METTL5: variants seen among roughly 807,000 people sequenced by gnomAD.
The protein encoded by METTL5 is methyltransferase 5, N6-adenosine.
In METTL5, 28 loss-of-function variants were observed where a neutral mutation model predicts 26.5. The ratio of observed to expected loss-of-function variants is 1.06; its 90% CI spans 0.78 to 1.45. The LOEUF is 1.45. METTL5 is among the 40% of genes most tolerant of loss of function. The pLI is 0.00. For synonymous variants in METTL5, 86 were observed against 82.6 expected (o/e 1.04, Z -0.22); for missense variants, 231 against 249.9 (o/e 0.92, Z 0.51).
Position 169,812,489 on chromosome 2 carries a change from G to C in METTL5, c.559C>G (p.Pro187Ala). ...TTTTTGTGAAACTTGTATGATGCTGGCAGGTCATATCGAAGTTCTGTAAAA... is the reference window on the plus strand; with the variant it reads ...TTTTTGTGAAACTTGTATGATGCTGCCAGGTCATATCGAAGTTCTGTAAAA... ...DIIAELRYDL[P>A]ASYKFHKKKS... Residue 187 changes from proline to alanine, a missense_variant, in exon 6 of 7, where the codon CCA (proline) becomes GCA (alanine). Coordinates refer to ENST00000260953, the MANE Select transcript of METTL5 (RefSeq NM_014168.4). 6.2e-7 allele frequency: 1 copy of C among 1,613,918 alleles called. No homozygotes were observed.
chr2:169,814,088 T>C (rs1180651994), intron 5 of METTL5, among the ~76,000 whole-genome samples: 1 of 152,148 alleles, frequency 6.6e-6, no homozygotes, highest in African/African-American at 2.4e-5. Flanking sequence ...GTTTTGATGT[T>C]TGTGACTATT....
chr2:169,815,728 A>G (rs909521546), intron 4 of METTL5, among the ~76,000 whole-genome samples, 200 bp from the exon 5 acceptor site: 4 of 152,228 alleles, frequency 2.6e-5, no homozygotes, highest in African/African-American at 9.6e-5. Flanking sequence ...GAACCAAATC[A>G]CACAATAAAT....
intron 1 of METTL5, among the ~76,000 whole-genome samples, chr2:169,822,857 TA>T (rs1168476163): frequency 6.6e-6 from 1 of 152,160 alleles, no homozygotes; most frequent in Admixed American, 6.6e-5. Context: ...TGAGACCTGA[TA>T]ATAGAACTAC....
chr2:169,822,851 A>T (rs13406923), intron 1 of METTL5, among the ~76,000 whole-genome samples: 28,555 of 152,126 alleles, frequency 0.19, 2,969 homozygotes, highest in East Asian at 0.36. Context: ...TACAAATGAG[A>T]CCTGATAATA....
chr2:169,812,043 T>C (rs567349632), intron 6 of METTL5, 185 bp from the exon 7 acceptor site: 1 of 694,830 alleles, frequency 1.4e-6, no homozygotes, highest in Non-Finnish European at 2.4e-6. Context: ...ATAAAATATA[T>C]ACTATATGAA....
At chr2:169,811,969 A>G in intron 6 of METTL5, 111 bp from the exon 7 acceptor site, 1 of 1,251,756 alleles carries the variant, frequency 8.0e-7, no homozygotes, top group Non-Finnish European at 1.1e-6. Context: ...TTCAAATATC[A>G]AAAGGAAGAT....
chr2:169,823,096 T>C (rs1257403707), intron 1 of METTL5, among the ~76,000 whole-genome samples: 1 of 151,984 alleles, frequency 6.6e-6, no homozygotes, highest in East Asian at 1.9e-4. Flanking sequence ...GCAATTCTCC[T>C]GCCTTAGTAT....
chr2:169,813,703 A>AT (rs1287097944), intron 5 of METTL5, among the ~76,000 whole-genome samples: 5 of 147,450 alleles, frequency 3.4e-5, no homozygotes, highest in Admixed American at 3.3e-4. Flanking sequence ...AAAAATAATA[A>AT]TAATAAAAAA....
chr2:169,817,795 T>C (rs190991609), intron 4 of METTL5, among the ~76,000 whole-genome samples: 86 of 152,046 alleles, frequency 5.7e-4, no homozygotes, highest in Non-Finnish European at 1.1e-3. Flanking sequence ...GAGATAGCAT[T>C]AGGAGAAATA....
rs543465518 is a variant in METTL5 at position 169,812,343 on chromosome 2, C to G, written c.591+114G>C. The G allele has an allele frequency of 1.4e-5, 22 of 1,585,758 alleles. No individual in the cohort carries two copies. The South Asian group carries it at 2.2e-4, about 16-fold the overall frequency. ...GCAACCTCTGCCTCCTGAGTTCAAG[C>G]GATTCTCTTGCCTCAGCCTCCCGAG... is the stretch of plus-strand genomic sequence containing the variant. On this transcript the variant is annotated intron_variant, in intron 6 of 6. Coordinates refer to ENST00000260953, the MANE Select transcript of METTL5 (RefSeq NM_014168.4).
chr2:169,816,884 G>C (rs7593513), intron 4 of METTL5, among the ~76,000 whole-genome samples: 5 of 152,102 alleles, frequency 3.3e-5, no homozygotes, highest in African/African-American at 1.2e-4. Flanking sequence ...CATGGGCAAA[G>C]ATTTCATGAC....
chr2:169,812,135 G>A (rs538407273), intron 6 of METTL5: 4 of 555,058 alleles, frequency 7.2e-6, no homozygotes, highest in East Asian at 6.4e-5. Flanking sequence ...AGCTATTGAC[G>A]ATGGGCCTTT....
Position 169,823,766 on chromosome 2 carries a change from G to T in METTL5, c.109+723C>A, listed in dbSNP as rs13385279. ...AGTCCTGGAGGTCAAGGCTGCAGTT[G>T]CCGTGATCATGCCACTGCACTCCAG... On this transcript the variant is annotated intron_variant, in intron 1 of 6. Transcript: ENST00000260953. Among the ~76,000 whole-genome samples the T allele has an allele frequency of 1.7e-3, 255 of 152,288 alleles. 1 individual carries two copies. Among genetic ancestry groups the T allele is most frequent in the African/African-American group, 5.9e-3 (244 of 41,558 alleles).
At chr2:169,818,311 C>T (rs1469899941) in intron 4 of METTL5, among the ~76,000 whole-genome samples, 1 of 152,130 alleles carries the variant, frequency 6.6e-6, no homozygotes, top group Admixed American at 6.6e-5. Flanking sequence ...GAAGCCTGGC[C>T]CTGGTTTACC....
In METTL5 at chr2:169,816,185, C is replaced by T. The variant is rs1467448554; in HGVS notation, c.490-657G>A. On this transcript the variant is annotated intron_variant, in intron 4 of 6. Coordinates refer to ENST00000260953, the MANE Select transcript of METTL5 (RefSeq NM_014168.4). ...AGCATTATTTCATTGATATATACAG[C>T]TAGCTAGCCTAGAAACCATTTGGCA... Among the ~76,000 whole-genome samples, 4 of 152,256 alleles carry T rather than the reference C, an allele frequency of 2.6e-5. No homozygotes were observed. The East Asian group carries it at 7.7e-4, about 29-fold the overall frequency.
Position 169,821,206 on chromosome 2 carries a change from CA to C in METTL5, c.291del (p.Phe97LeufsTer3), listed in dbSNP as rs1376533963. ...TGAACCATGTCAATATTTGTTAACTCAAACTCTTCTGCATTCCTATTAAATA... is the reference window on the plus strand; with the variant it reads ...TGAACCATGTCAATATTTGTTAACTCAACTCTTCTGCATTCCTATTAAATA... ...LEIFNRNAEE[F>X]ELTNIDMVQC... is the part of the protein sequence containing the mutation. On this transcript the variant is annotated frameshift_variant, in exon 3 of 7. Coordinates refer to ENST00000260953, the MANE Select transcript of METTL5 (RefSeq NM_014168.4). LOFTEE classifies it high-confidence loss of function. 1 of 1,612,776 alleles carries C rather than the reference CA, an allele frequency of 6.2e-7. No individual in the cohort carries two copies. Among genetic ancestry groups the C allele is most frequent in the African/African-American group, 1.3e-5 (1 of 74,868 alleles).
chr2:169,819,437 T>C (rs2081553778), intron 4 of METTL5, 124 bp downstream of exon 4: 1 of 636,476 alleles, frequency 1.6e-6, no homozygotes, highest in South Asian at 3.0e-5. Flanking sequence ...AAAATTTAAG[T>C]TTCACATGTC....
chr2:169,815,990 G>A, intron 4 of METTL5, among the ~76,000 whole-genome samples: 1 of 152,088 alleles, frequency 6.6e-6, no homozygotes, highest in East Asian at 1.9e-4. Context: ...CAGGTTTGTA[G>A]CCTAGGAACA....
At chr2:169,824,298 A>G (rs2081623070) in intron 1 of METTL5, 191 bp downstream of exon 1, 1 of 551,254 alleles carries the variant, frequency 1.8e-6, no homozygotes, top group African/African-American at 1.9e-5. Context: ...AGACAGTAAA[A>G]TGATAGTGTG....
Sources: gnomAD v4.1 joint callset for allele counts (sites outside exome capture counted in the v4.1 genomes callset) on GRCh38, gnomAD v4.1.1 for gene constraint, MANE v1.5 for transcripts, NCBI Gene and HGNC (gene_info 2026-07-23, HGNC 2026-07-21) for gene names.